Variants in MAP4K3 observed in about 807,000 individuals in gnomAD.
MAP4K3 encodes MAPK/ERK kinase kinase kinase 3.
MAP4K3 carries 94 observed loss-of-function variants against 143.5 expected under a neutral mutation model. That is an observed-to-expected ratio of 0.65 (90% CI 0.55 to 0.78). MAP4K3 has a LOEUF of 0.78. Ranked by LOEUF, MAP4K3 falls within the 30% of genes least tolerant of loss-of-function variation. MAP4K3 has a pLI of 0.00. For missense variants in MAP4K3, 1,077 were observed against 1,068.1 expected, an observed-to-expected ratio of 1.01 and a Z score of -0.12; for synonymous variants, 416 against 347.2, an observed-to-expected ratio of 1.20 and a Z score of -2.20.
chr2:39,312,301 G>A (rs577059123), intron 13 of MAP4K3, among the ~76,000 whole-genome samples: 1 of 151,704 alleles, frequency 6.6e-6, no homozygotes, highest in Admixed American at 6.6e-5. Flanking sequence ...TATAACCTGG[G>A]TAAAACCCTC....
intron 3 of MAP4K3, 151 bp from the exon 4 acceptor site, chr2:39,343,603 T>C: frequency 5.0e-6 from 3 of 599,588 alleles, no homozygotes; most frequent in South Asian, 4.8e-5. Flanking sequence ...TTATGAGTAA[T>C]GAATTACTTA....
At chr2:39,279,029 T>C (rs1173980992) in intron 23 of MAP4K3, among the ~76,000 whole-genome samples, 2 of 152,160 alleles carry the variant, frequency 1.3e-5, no homozygotes, top group Non-Finnish European at 2.9e-5. Flanking sequence ...GTCCTTTCCA[T>C]TTTTTTGTTT....
intron 26 of MAP4K3, among the ~76,000 whole-genome samples, chr2:39,268,594 T>G (rs1680872222): frequency 6.6e-6 from 1 of 150,602 alleles, no homozygotes; most frequent in African/African-American, 2.4e-5. Context: ...GTGCTGGGAT[T>G]ACAGGTGTGA....
chr2:39,260,030 T>C (rs1680503293), intron 29 of MAP4K3, among the ~76,000 whole-genome samples: 1 of 152,188 alleles, frequency 6.6e-6, no homozygotes, highest in African/African-American at 2.4e-5. Flanking sequence ...ACACAGGACT[T>C]TGAGGATCAG....
In MAP4K3 at chr2:39,290,320, G is replaced by C; in HGVS notation, c.1286C>G (p.Ala429Gly). The C allele has an allele frequency of 6.2e-7, 1 of 1,607,546 alleles. No homozygotes were observed. Among genetic ancestry groups the C allele is most frequent in the Non-Finnish European group, 8.5e-7 (1 of 1,177,100 alleles). The part of the protein sequence containing the change: ...DDESKHSTLK[A>G]KIPPPLPPKP... ...TGGTGGCAAAGGAGGTGGAATTTTT[G>C]CTTTCAGAGTTGAGCTAAAAACAGA... The change falls in exon 19 of 34, where the codon GCA (alanine) becomes GGA (glycine). Residue 429 changes from alanine to glycine, a missense_variant. Around this residue, in one of 2 missense-constraint regions of MAP4K3, gnomAD observed 864 missense variants for 801.2 expected, o/e 1.08. Coordinates refer to ENST00000263881, the MANE Select transcript of MAP4K3 (RefSeq NM_003618.4).
rs187635252 is a variant in MAP4K3 at position 39,295,542 on chromosome 2, G to C, written c.1179-2274C>G. ...AAATTAAACATAATGTATCTGAACT[G>C]TACAGTTGGCTTTTATGTAATTTTA... On this transcript the variant is annotated intron_variant, in intron 16 of 33. Coordinates refer to ENST00000263881, the MANE Select transcript of MAP4K3 (RefSeq NM_003618.4). Among the ~76,000 whole-genome samples the C allele has an allele frequency of 1.5e-4, 23 of 152,112 alleles. No individual in the cohort carries two copies. The East Asian group carries it at 3.3e-3, about 22-fold the overall frequency.
In MAP4K3 at chr2:39,409,695, G is replaced by T. The variant is rs145341534; in HGVS notation, c.96+27197C>A. 1.8e-3 allele frequency among the ~76,000 whole-genome samples: 278 copies of T among 152,288 alleles called. 2 individuals carry two copies. Among genetic ancestry groups the T allele is most frequent in the African/African-American group, 6.5e-3 (269 of 41,570 alleles). ...TAGTAGATATTGAGATATACTCAGA[G>T]TTGAAAATAAACAAAAACAAGGTTA... On this transcript the variant is annotated intron_variant, in intron 1 of 33. Transcript: ENST00000263881.
At chr2:39,257,553 C>G (rs1680392105) in intron 31 of MAP4K3, among the ~76,000 whole-genome samples, 1 of 152,122 alleles carries the variant, frequency 6.6e-6, no homozygotes, top group Non-Finnish European at 1.5e-5. Flanking sequence ...GTAATCCCAG[C>G]ACTTTGGGAG....
intron 18 of MAP4K3, 35 bp from the exon 19 acceptor site, chr2:39,290,369 A>G: frequency 7.1e-7 from 1 of 1,401,470 alleles, no homozygotes; most frequent in Non-Finnish European, 9.9e-7. Flanking sequence ...AGAACTATTC[A>G]TTTTACAAAT....
intron 3 of MAP4K3, among the ~76,000 whole-genome samples, chr2:39,347,712 C>T (rs1269288139): frequency 6.6e-6 from 1 of 151,504 alleles, no homozygotes; most frequent in African/African-American, 2.4e-5. Context: ...TCCTGGAACT[C>T]GGTGAAACTA....
chr2:39,392,078 G>A (rs547495994), intron 1 of MAP4K3, among the ~76,000 whole-genome samples: 3 of 150,450 alleles, frequency 2.0e-5, no homozygotes, highest in Non-Finnish European at 2.9e-5. Context: ...CCAGCTACTC[G>A]GGAGGCTGTG....
chr2:39,390,529 C>T (rs974121663), intron 1 of MAP4K3, among the ~76,000 whole-genome samples: 5 of 152,188 alleles, frequency 3.3e-5, no homozygotes, highest in African/African-American at 1.2e-4. Flanking sequence ...TTGAGAAACA[C>T]CATAGTCTAA....
chr2:39,272,262 C>G, intron 26 of MAP4K3, 21 bp downstream of exon 26: 3 of 1,489,958 alleles, frequency 2.0e-6, no homozygotes, highest in Non-Finnish European at 2.8e-6. Context: ...TATCATATTG[C>G]CTCTAAGGAT....
Position 39,437,065 on chromosome 2 carries a change from G to T in MAP4K3, c.-78C>A. The T allele has an allele frequency of 2.8e-6, 3 of 1,068,938 alleles. No homozygotes were observed. The highest frequency in any genetic ancestry group is 1.6e-5 in the South Asian group (1 of 60,632). 66.2% of individuals were successfully genotyped at this position (1,068,938 alleles called of 1,614,324 possible). A position where few individuals can be genotyped will look rare whatever the true frequency, so the allele number is the denominator to read the frequency against. On this transcript the variant is annotated 5_prime_UTR_variant, in exon 1 of 34. Transcript: ENST00000263881. ...TCAGGGGGCCACACGGAGAGAGGGC[G>T]CCGCGGCCGGCTCCCGGCTCCCCCG...
chr2:39,403,634 T>G (rs1667014525), intron 1 of MAP4K3, among the ~76,000 whole-genome samples: 1 of 151,942 alleles, frequency 6.6e-6, no homozygotes, highest in South Asian at 2.1e-4. Context: ...TCTGCAGCCC[T>G]CAATAAACCT....
At chr2:39,315,183 A>T in intron 13 of MAP4K3, 127 bp downstream of exon 13, 1 of 586,512 alleles carries the variant, frequency 1.7e-6, no homozygotes, top group Non-Finnish European at 2.8e-6. Context: ...TGCCCTAATT[A>T]AACTTTACCT....
At chr2:39,408,648 A>AG (rs1466046648) in intron 1 of MAP4K3, among the ~76,000 whole-genome samples, 2 of 151,224 alleles carry the variant, frequency 1.3e-5, no homozygotes, top group East Asian at 3.9e-4. Flanking sequence ...GCAAAAAAAA[A>AG]AAAAAGGTGG....
intron 14 of MAP4K3, 22 bp downstream of exon 14, chr2:39,309,439 A>C: frequency 6.5e-7 from 1 of 1,539,144 alleles, no homozygotes; most frequent in Non-Finnish European, 8.8e-7. Context: ...CAGTGCTAAC[A>C]TTCTAAGGCT....
intron 28 of MAP4K3, 88 bp from the exon 29 acceptor site, chr2:39,260,865 A>G: frequency 1.2e-6 from 1 of 827,352 alleles, no homozygotes; most frequent in Non-Finnish European, 1.9e-6. Context: ...TTTCTACAAT[A>G]AAGACTGCAT....
Sources: allele counts gnomAD v4.1 joint callset (sites outside exome capture counted in the v4.1 genomes callset), GRCh38; gene constraint gnomAD v4.1.1; regional missense constraint gnomAD v4.1.1; transcripts MANE v1.5; gene names NCBI Gene and HGNC (gene_info 2026-07-23, HGNC 2026-07-21).